The following IMMP2L variants were observed in gnomAD, a reference collection of about 807,000 sequenced individuals.
IMMP2L encodes inner mitochondrial membrane peptidase subunit 2, also known as mitochondrial inner membrane protease subunit 2.
IMMP2L carries 18 observed loss-of-function variants against 19.3 expected under a neutral mutation model. The ratio of observed to expected loss-of-function variants is 0.93; its 90% CI spans 0.64 to 1.38. The LOEUF is 1.38. IMMP2L is among the 40% of genes most tolerant of loss of function. IMMP2L has a pLI of 0.00. For synonymous variants in IMMP2L, 76 were observed against 73.0 expected (o/e 1.04, Z -0.21); for missense variants, 233 against 218.2 (o/e 1.07, Z -0.43).
At chr7:111,539,983 T>G (rs1848372770) in intron 1 of IMMP2L, among the ~76,000 whole-genome samples, 1 of 152,174 alleles carries the variant, frequency 6.6e-6, no homozygotes, top group South Asian at 2.1e-4. Flanking sequence ...AATGGCTTTA[T>G]TTATGTACCA....
intron 3 of IMMP2L, among the ~76,000 whole-genome samples, chr7:111,209,226 T>C (rs1811043112): frequency 6.6e-6 from 1 of 151,750 alleles, no homozygotes; most frequent in Admixed American, 6.6e-5. Flanking sequence ...TGAAACTCCC[T>C]CTCTAATAAA....
chr7:111,373,362 G>T (rs1830414746), intron 3 of IMMP2L, among the ~76,000 whole-genome samples: 1 of 151,978 alleles, frequency 6.6e-6, no homozygotes, highest in African/African-American at 2.4e-5. Flanking sequence ...TGGATGAGAT[G>T]TTTGCAAATA....
At chr7:111,513,264 T>C (rs957328877) in intron 2 of IMMP2L, among the ~76,000 whole-genome samples, 32 of 152,056 alleles carry the variant, frequency 2.1e-4, no homozygotes, top group African/African-American at 7.7e-4. Flanking sequence ...AACAACTCTA[T>C]AGCAAGAAAA....
chr7:111,038,092 T>C (rs573299583), intron 3 of IMMP2L, among the ~76,000 whole-genome samples: 2 of 152,310 alleles, frequency 1.3e-5, no homozygotes, highest in Admixed American at 1.3e-4. Context: ...AGAACCTTAA[T>C]TTGAAGTTAA....
chr7:111,204,840 T>G (rs1810528935), intron 3 of IMMP2L, among the ~76,000 whole-genome samples: 1 of 152,222 alleles, frequency 6.6e-6, no homozygotes, highest in Admixed American at 6.5e-5. Flanking sequence ...ATGTAGTCAT[T>G]ACTTAAACAT....
chr7:111,505,613 A>G (rs1255564242), intron 2 of IMMP2L, among the ~76,000 whole-genome samples: 2 of 152,208 alleles, frequency 1.3e-5, no homozygotes, highest in Non-Finnish European at 2.9e-5. Flanking sequence ...AATGTGGCAC[A>G]TATACACCAT....
chr7:110,939,464 A>G (rs1049310675), intron 4 of IMMP2L, among the ~76,000 whole-genome samples: 6 of 151,936 alleles, frequency 3.9e-5, no homozygotes, highest in East Asian at 1.9e-4. Context: ...AAGTAATAAG[A>G]TTTTTTGTGC....
chr7:111,514,152 C>G (rs1313833061), intron 2 of IMMP2L, among the ~76,000 whole-genome samples: 1 of 152,034 alleles, frequency 6.6e-6, no homozygotes, highest in African/African-American at 2.4e-5. Flanking sequence ...GTATTATACA[C>G]TCGAATTTTA....
At chr7:111,151,070 T>C (rs1804016365) in intron 3 of IMMP2L, among the ~76,000 whole-genome samples, 1 of 152,202 alleles carries the variant, frequency 6.6e-6, no homozygotes. Context: ...GTGTGACTCC[T>C]GTGTAACAGT....
intron 1 of IMMP2L, among the ~76,000 whole-genome samples, chr7:111,556,520 C>G (rs897101110): frequency 6.6e-6 from 1 of 151,934 alleles, no homozygotes; most frequent in African/African-American, 2.4e-5. Context: ...ATGTCCAGCC[C>G]CCTTCAGCCT....
chr7:110,809,225 A>G (rs1801852076), intron 5 of IMMP2L, among the ~76,000 whole-genome samples: 1 of 152,072 alleles, frequency 6.6e-6, no homozygotes, highest in Non-Finnish European at 1.5e-5. Flanking sequence ...GTAATAAATA[A>G]TAATGTATTT....
At chr7:111,469,611 C>A (rs1170228755) in intron 3 of IMMP2L, among the ~76,000 whole-genome samples, 1 of 152,078 alleles carries the variant, frequency 6.6e-6, no homozygotes, top group Non-Finnish European at 1.5e-5. Flanking sequence ...CTGACAAAAA[C>A]AAGCAACGGG....
At chr7:111,259,297 C>G (rs529408235) in intron 3 of IMMP2L, among the ~76,000 whole-genome samples, 3 of 152,096 alleles carry the variant, frequency 2.0e-5, no homozygotes, top group Admixed American at 1.3e-4. Context: ...TTTATAAACA[C>G]TGTACATTTA....
chr7:110,854,519 T>C (rs1806552466), intron 5 of IMMP2L, among the ~76,000 whole-genome samples: 1 of 151,972 alleles, frequency 6.6e-6, no homozygotes, highest in Admixed American at 6.6e-5. Context: ...AATAATAATG[T>C]AGCTTGGAAC....
intron 3 of IMMP2L, among the ~76,000 whole-genome samples, chr7:111,471,238 T>A (rs551777654): frequency 1.4e-4 from 22 of 152,172 alleles, no homozygotes; most frequent in African/African-American, 5.1e-4. Context: ...GAAATAAACA[T>A]CAGTACTCTT....
chr7:111,390,639 C>A (rs1369275068), intron 3 of IMMP2L: 1 of 152,092 alleles, frequency 6.6e-6, no homozygotes, highest in Admixed American at 6.6e-5. Context: ...AAAAGATAAT[C>A]ATTGTTTAAA....
intron 3 of IMMP2L, among the ~76,000 whole-genome samples, chr7:111,162,632 GAGT>G (rs1450859675): frequency 6.6e-6 from 1 of 151,032 alleles, no homozygotes; most frequent in Non-Finnish European, 1.5e-5. Context: ...GATTTTGAGC[GAGT>G]AGTTTTTTTT....
chr7:110,704,301 T>G (rs1794495218), intron 5 of IMMP2L, among the ~76,000 whole-genome samples: 1 of 152,224 alleles, frequency 6.6e-6, no homozygotes, highest in Non-Finnish European at 1.5e-5. Flanking sequence ...AAATTGAGCC[T>G]AAGTTACTTT....
At chr7:111,417,574 C>T (rs1364554926) in intron 3 of IMMP2L, among the ~76,000 whole-genome samples, 1 of 151,676 alleles carries the variant, frequency 6.6e-6, no homozygotes, top group Admixed American at 6.6e-5. Flanking sequence ...TATGAAGACC[C>T]CTCAATGTGT....
Sources: gnomAD v4.1 joint callset for allele counts (sites outside exome capture counted in the v4.1 genomes callset) on GRCh38, gnomAD v4.1.1 for gene constraint, MANE v1.5 for transcripts, NCBI Gene and HGNC (gene_info 2026-07-23, HGNC 2026-07-21) for gene names.